The following WDR11 variants were observed in gnomAD, a reference collection of about 807,000 sequenced individuals.
WDR11 encodes the protein WD repeat-containing protein 11.
Under a neutral mutation model 151.2 loss-of-function variants are expected in WDR11, and 83 were observed. The ratio of observed to expected loss-of-function variants is 0.55; its 90% CI spans 0.46 to 0.66. The LOEUF (loss-of-function observed/expected upper bound fraction) is 0.66, where lower values mean the gene tolerates loss of function less well. WDR11 is among the 30% of genes least tolerant of loss of function. The probability of loss-of-function intolerance (pLI) is 0.00; values close to 1 mark genes in which losing one functional copy is unlikely to be tolerated. For missense variants in WDR11, 1,301 were observed against 1,480.9 expected (o/e 0.88, Z 1.99); for synonymous variants, 484 against 533.1 (o/e 0.91, Z 1.27).
At chr10:120,905,739 G>A (rs1317330145) in intron 26 of WDR11, 137 bp from the exon 27 acceptor site, 12 of 1,460,930 alleles carry the variant, frequency 8.2e-6, no homozygotes, top group African/African-American at 1.4e-5. Flanking sequence ...AGAGTATGCA[G>A]CAGCTTCAGG....
At chr10:120,878,617 C>G (rs1846888314) in intron 12 of WDR11, among the ~76,000 whole-genome samples, 158 bp downstream of exon 12, 1 of 152,040 alleles carries the variant, frequency 6.6e-6, no homozygotes, top group Non-Finnish European at 1.5e-5. Context: ...CCTAGAAAGG[C>G]CTCATCATTG....
chr10:120,869,627 C>CTG (rs915711884), intron 9 of WDR11, among the ~76,000 whole-genome samples: 20 of 152,164 alleles, frequency 1.3e-4, no homozygotes, highest in African/African-American at 4.6e-4. Context: ...TGGATAAATG[C>CTG]TGATACTTAT....
intron 11 of WDR11, among the ~76,000 whole-genome samples, chr10:120,874,871 A>G (rs561989294): frequency 2.1e-4 from 32 of 151,568 alleles, no homozygotes; most frequent in African/African-American, 7.5e-4. Context: ...ATAGATATAC[A>G]TGTGCCTTGG....
At chr10:120,906,250 C>G (rs1232539974) in intron 27 of WDR11, 1 of 1,402,142 alleles carries the variant, frequency 7.1e-7, no homozygotes, top group African/African-American at 1.5e-5. Context: ...TCAGACTTAA[C>G]AGGCACCTAG....
Position 120,908,672 on chromosome 10 carries a change from A to T in WDR11, c.3634A>T (p.Asn1212Tyr), listed in dbSNP as rs1245156554. The change falls in exon 29 of 29, where the codon AAT becomes TAT. Residue 1212 changes from asparagine to tyrosine, a missense_variant. Physicochemically the swap from Asn to Tyr is moderately radical, Grantham distance 143. Around this residue, in one of 3 missense-constraint regions of WDR11, gnomAD observed 589 missense variants for 670.6 expected, o/e 0.88. Coordinates refer to ENST00000263461, the MANE Select transcript of WDR11 (RefSeq NM_018117.12). Reference sequence around the variant, plus strand: ...CGGAGCAGCTGGCAAAGACTTATTGAATGAGCTTGAGTCCCCCAAGGAAGA... The same window carrying T: ...CGGAGCAGCTGGCAAAGACTTATTGTATGAGCTTGAGTCCCCCAAGGAAGA... ...KAGAAGKDLL[N>Y]ELESPKEEPI... 1 of 1,614,202 alleles carries T rather than the reference A, an allele frequency of 6.2e-7. No homozygotes were observed. Among genetic ancestry groups the T allele is most frequent in the South Asian group, 1.1e-5 (1 of 91,082 alleles).
rs3217470 is a variant in WDR11 at position 120,859,954 on chromosome 10, TACAC to T, written c.353-134_353-131del. Among the ~76,000 whole-genome samples the T allele has an allele frequency of 0.36, 53,910 of 150,712 alleles. 9,562 individuals carry two copies. The highest frequency in any genetic ancestry group is 0.43 in the Admixed American group (6,551 of 15,110). ...ATTAGTTTTTTCTCTGGAATATTGA[TACAC>T]ACACACACACACACACACACGTCAC... On this transcript the variant is annotated intron_variant, in intron 3 of 28. Coordinates refer to ENST00000263461, the MANE Select transcript of WDR11 (RefSeq NM_018117.12).
At chr10:120,868,640 T>G (rs1338278284) in intron 9 of WDR11, 1 of 152,110 alleles carries the variant, frequency 6.6e-6, no homozygotes, top group African/African-American at 2.4e-5. Context: ...GATTAAAACT[T>G]TAAACCACAC....
intron 15 of WDR11, 76 bp from the exon 16 acceptor site, chr10:120,886,613 G>C: frequency 6.4e-7 from 1 of 1,566,198 alleles, no homozygotes; most frequent in Non-Finnish European, 8.7e-7. Context: ...TCTGTACTTT[G>C]GGCAAGTTAA....
Position 120,856,602 on chromosome 10 carries a change from C to G in WDR11, c.199-2041C>G, listed in dbSNP as rs1016029176. 2.0e-5 allele frequency among the ~76,000 whole-genome samples: 3 copies of G among 151,414 alleles called. No individual in the cohort carries two copies. In the East Asian group the frequency reaches 5.8e-4, roughly 29 times the overall value. ...AAAAAAAAAAAAAAAAAAAATCCCT[C>G]CACTATCTTCAAGCTTACATAGTTT... On this transcript the variant is annotated intron_variant, in intron 2 of 28. Transcript: ENST00000263461.
chr10:120,906,360 G>A, intron 27 of WDR11: 1 of 1,252,862 alleles, frequency 8.0e-7, no homozygotes, highest in African/African-American at 1.5e-5. Context: ...GGCGACAGAA[G>A]GCATGGTGAG....
intron 9 of WDR11, among the ~76,000 whole-genome samples, chr10:120,868,060 T>G (rs948511808): frequency 5.3e-5 from 8 of 152,192 alleles, no homozygotes; most frequent in Non-Finnish European, 4.4e-5. Flanking sequence ...TTATAAAGGA[T>G]TTTCTGTTTT....
At chr10:120,890,996 CT>C in intron 19 of WDR11, 109 bp downstream of exon 19, 2 of 1,217,970 alleles carry the variant, frequency 1.6e-6, no homozygotes, top group Non-Finnish European at 2.4e-6. Context: ...GTCTTATTTT[CT>C]TAGAATCTGA....
At chr10:120,908,045 AGC>A in intron 28 of WDR11, 1 of 165,858 alleles carries the variant, frequency 6.0e-6, no homozygotes, top group Non-Finnish European at 1.3e-5. Flanking sequence ...TGAGGATCAA[AGC>A]ATCAGCACAG....
rs757405649 is a variant in WDR11, at chr10:120,906,013, G to A, written c.3429G>A (p.Thr1143=). 3.3e-5 allele frequency: 53 copies of A among 1,613,562 alleles called. No individual in the cohort carries two copies. Among genetic ancestry groups the A allele is most frequent in the Middle Eastern group, 1.8e-4 (1 of 5,710 alleles). ...SLGCFFSVAE[T]LHSMRYFDRA... is the part of the protein sequence containing the mutation. ...GCTGCTTTTTTAGCGTGGCAGAGAC[G>A]CTTCACAGGTAAACCGAGAGTTCAC... The change falls in exon 27 of 29, where the codon ACG becomes ACA. Residue 1143 remains threonine (T), a synonymous_variant. Transcript: ENST00000263461.
intron 26 of WDR11, 72 bp from the exon 27 acceptor site, chr10:120,905,804 T>A (rs1205723926): frequency 2.5e-6 from 4 of 1,613,330 alleles, no homozygotes; most frequent in Non-Finnish European, 3.4e-6. Flanking sequence ...CAGATCTCAC[T>A]TTAACTGAAT....
chr10:120,873,794 G>A, intron 10 of WDR11, 45 bp from the exon 11 acceptor site: 1 of 1,317,352 alleles, frequency 7.6e-7, no homozygotes, highest in African/African-American at 1.4e-5. Context: ...CAAAGTGCTG[G>A]AACTCCCACT....
chr10:120,857,353 CT>C (rs1845983675), intron 2 of WDR11, among the ~76,000 whole-genome samples: 1 of 152,182 alleles, frequency 6.6e-6, no homozygotes, highest in Non-Finnish European at 1.5e-5. Flanking sequence ...CACAAAAGCA[CT>C]GCAAGTATTG....
At chr10:120,881,489 G>C (rs1350195351) in intron 13 of WDR11, among the ~76,000 whole-genome samples, 1 of 132,466 alleles carries the variant, frequency 7.5e-6, no homozygotes. Context: ...GGGAAGAATT[G>C]GTATCTTAAC....
chr10:120,853,116 G>A (rs1845835767), intron 2 of WDR11, among the ~76,000 whole-genome samples: 2 of 152,160 alleles, frequency 1.3e-5, no homozygotes, highest in African/African-American at 4.8e-5. Context: ...TTGACAAGGA[G>A]CATTGCAGGG....
Sources: gnomAD v4.1 joint callset for allele counts (sites outside exome capture counted in the v4.1 genomes callset) on GRCh38, gnomAD v4.1.1 for gene constraint, gnomAD v4.1.1 regional missense constraint, MANE v1.5 for transcripts, NCBI Gene and HGNC (gene_info 2026-07-23, HGNC 2026-07-21) for gene names.